CLTB: variants seen among roughly 807,000 people sequenced by gnomAD.
CLTB encodes clathrin light chain B.
In CLTB, 10 loss-of-function variants were observed where a neutral mutation model predicts 30.5. The observed-to-expected ratio is 0.33, with a 90% CI of 0.20 to 0.56. The LOEUF is 0.56. Ranked by LOEUF, CLTB falls within the 20% of genes least tolerant of loss-of-function variation. CLTB has a pLI of 0.91. For missense variants in CLTB, 261 were observed against 308.3 expected (o/e 0.85, Z 1.15); for synonymous variants, 102 against 120.3 (o/e 0.85, Z 1.00).
At chr5:176,404,209 G>C (rs1319133234) in intron 2 of CLTB, among the ~76,000 whole-genome samples, 2 of 152,174 alleles carry the variant, frequency 1.3e-5, no homozygotes, top group African/African-American at 4.8e-5. Context: ...CTTCTGTGAC[G>C]CATAGTTTGT....
At chr5:176,408,181 G>A (rs1036918397) in intron 2 of CLTB, among the ~76,000 whole-genome samples, 13 of 151,970 alleles carry the variant, frequency 8.6e-5, no homozygotes, top group South Asian at 2.1e-4. Context: ...AGGTGGGTGC[G>A]GACAGAAGCA....
chr5:176,409,960 C>A (rs1757343319), intron 2 of CLTB, among the ~76,000 whole-genome samples: 1 of 152,192 alleles, frequency 6.6e-6, no homozygotes, highest in Non-Finnish European at 1.5e-5. Context: ...AGGCCTTGCG[C>A]TGCCTTCATC....
chr5:176,406,874 G>A (rs1396527495), intron 2 of CLTB, among the ~76,000 whole-genome samples: 1 of 152,192 alleles, frequency 6.6e-6, no homozygotes, highest in Non-Finnish European at 1.5e-5. Flanking sequence ...AGGCGCTGTG[G>A]CCAGCCAGTT....
At chr5:176,405,489 C>CAAAAAAAAAAAAAAAAAAAAAAAAAAAAA (rs988554368) in intron 2 of CLTB, 2 of 52,238 alleles carry the variant, frequency 3.8e-5, no homozygotes, top group Middle Eastern at 8.3e-3. Context: ...CCCTGTCTCT[C>CAAAAAAAAAAAAAAAAAAAAAAAAAAAAA]AAAAAAAAAA....
At chr5:176,400,747 G>A (rs376428123) in intron 2 of CLTB, among the ~76,000 whole-genome samples, 1 of 152,106 alleles carries the variant, frequency 6.6e-6, no homozygotes, top group African/African-American at 2.4e-5. Flanking sequence ...GACTGCCCGC[G>A]TTGTTTGACA....
intron 2 of CLTB, among the ~76,000 whole-genome samples, chr5:176,398,996 C>T (rs923083962): frequency 4.0e-5 from 6 of 151,888 alleles, no homozygotes; most frequent in Non-Finnish European, 7.4e-5. Context: ...GCACACGTCA[C>T]GACACCCGGC....
At chr5:176,397,540 C>A (rs1756597015) in intron 4 of CLTB, 67 bp downstream of exon 4, 9 of 493,184 alleles carry the variant, frequency 1.8e-5, no homozygotes, top group Non-Finnish European at 2.9e-5. Context: ...GTCCCCACGG[C>A]CCCCTCATGT....
rs1316773783 is a variant in CLTB, at chr5:176,393,525, A to C, written c.519-580T>G. Reference sequence around the variant, plus strand: ...GAGGATCTTTACAGCAAGACTTTCAAAGCCTTTCATGTGCTGTGTGCGTCG... The same window carrying C: ...GAGGATCTTTACAGCAAGACTTTCACAGCCTTTCATGTGCTGTGTGCGTCG... On this transcript the variant is annotated intron_variant, in intron 5 of 5. Transcript: ENST00000310418. The surrounding 1 kb of genome is among the most constrained non-coding windows in gnomAD (Gnocchi z 4.4). 6.6e-6 allele frequency among the ~76,000 whole-genome samples: 1 copy of C among 152,226 alleles called. No individual in the cohort carries two copies. The highest frequency in any genetic ancestry group is 1.5e-5 in the Non-Finnish European group (1 of 68,036).
chr5:176,411,223 T>TCACAGGCCCCCTTGACTCCAGC (rs1757413142), intron 1 of CLTB, among the ~76,000 whole-genome samples: 1 of 152,224 alleles, frequency 6.6e-6, no homozygotes, highest in African/African-American at 2.4e-5. Flanking sequence ...TTTTGCCCAT[T>TCACAGGCCCCCTTGACTCCAGC]CACAGGCCCC....
At position 176,395,790 on chromosome 5, in the gene CLTB, G is replaced by A. The variant is rs1012650518; in HGVS notation, c.518+689C>T. Among the ~76,000 whole-genome samples the A allele has an allele frequency of 1.3e-4, 20 of 152,298 alleles. No individual in the cohort carries two copies. The East Asian group carries it at 3.7e-3, about 28-fold the overall frequency. On this transcript the variant is annotated intron_variant, in intron 5 of 5. Coordinates refer to ENST00000310418, the MANE Select transcript of CLTB (RefSeq NM_007097.5). Reference sequence around the variant, plus strand: ...TGGATGTCACAAAGGAGCAGCTCTTGTCCTTTACATGCCTCCAGCATCCCA... The same window carrying A: ...TGGATGTCACAAAGGAGCAGCTCTTATCCTTTACATGCCTCCAGCATCCCA...
chr5:176,398,434 G>T (rs762111738), intron 2 of CLTB, among the ~76,000 whole-genome samples: 5 of 152,094 alleles, frequency 3.3e-5, no homozygotes, highest in African/African-American at 1.2e-4. Flanking sequence ...AAAGAATGTC[G>T]GGCGCAGTGG....
At chr5:176,400,456 AG>A (rs1756762806) in intron 2 of CLTB, among the ~76,000 whole-genome samples, 1 of 152,180 alleles carries the variant, frequency 6.6e-6, no homozygotes, top group South Asian at 2.1e-4. Flanking sequence ...CCTGACTCCC[AG>A]GCAGGGGCTC....
At chr5:176,392,488 AGT>A (rs1756295711), downstream of CLTB, 1 of 368,580 alleles carries the variant, frequency 2.7e-6, no homozygotes, top group Non-Finnish European at 4.9e-6. This position sits in a 1 kb window ranked among gnomAD's most constrained non-coding sequence, Gnocchi z 5.2. Flanking sequence ...ATAATAAATA[AGT>A]GTAAAAAGAG....
chr5:176,409,944 G>A (rs1757341966), intron 2 of CLTB, among the ~76,000 whole-genome samples: 1 of 152,214 alleles, frequency 6.6e-6, no homozygotes, highest in East Asian at 1.9e-4. Flanking sequence ...CGTCAGTGGT[G>A]AGGGAAGGCC....
chr5:176,407,355 G>A (rs377008402), intron 2 of CLTB, among the ~76,000 whole-genome samples: 1 of 152,186 alleles, frequency 6.6e-6, no homozygotes, highest in African/African-American at 2.4e-5. Context: ...GTCCAGGCTG[G>A]AGTGCAGTGT....
chr5:176,398,851 C>CT (rs972211826), intron 2 of CLTB, among the ~76,000 whole-genome samples: 4 of 151,024 alleles, frequency 2.6e-5, no homozygotes, highest in Non-Finnish European at 5.9e-5. Context: ...CAAGACCTCA[C>CT]TTTTTTTTTG....
At chr5:176,406,635 T>A (rs1370354358) in intron 2 of CLTB, 1 of 1,289,330 alleles carries the variant, frequency 7.8e-7, no homozygotes, top group Non-Finnish European at 1.0e-6. Flanking sequence ...GGAACTGGAA[T>A]AGTTGTGGGC....
rs1756349325 is a variant in CLTB at position 176,393,475 on chromosome 5, A to G, written c.519-530T>C. On this transcript the variant is annotated intron_variant, in intron 5 of 5. Coordinates refer to ENST00000310418, the MANE Select transcript of CLTB (RefSeq NM_007097.5). The surrounding 1 kb of genome is among the most constrained non-coding windows in gnomAD (Gnocchi z 4.4). ...GGATTCTCCAGAAAGACTGTGGTCA[A>G]ATACCTATGGAAAACCCAGCTAAAG... Among the ~76,000 whole-genome samples the G allele has an allele frequency of 6.6e-6, 1 of 152,238 alleles. No homozygotes were observed. The highest frequency in any genetic ancestry group is 2.4e-5 in the African/African-American group (1 of 41,462).
Position 176,416,460 on chromosome 5 carries a change from CG to C in CLTB, c.-98del, listed in dbSNP as rs33956988. 1 allele frequency: 1,032,347 copies of C among 1,032,352 alleles called. 516,171 individuals are homozygous for C. Among genetic ancestry groups the C allele is most frequent in the Middle Eastern group, 1 (3,018 of 3,018 alleles). The allele number at this position is 1,032,352 out of a possible 1,614,324, so 63.9% of individuals were successfully genotyped here. On this transcript the variant is annotated 5_prime_UTR_variant, in exon 1 of 6. Transcript: ENST00000310418. ...GGCCGCGACGCTGTCACCCGAGCCGCGGGGGAGCCGGCGTCGGCGGGGACGG... is the reference window on the plus strand; with the variant it reads ...GGCCGCGACGCTGTCACCCGAGCCGCGGGGAGCCGGCGTCGGCGGGGACGG...
Sources: allele counts gnomAD v4.1 joint callset (sites outside exome capture counted in the v4.1 genomes callset), GRCh38; gene constraint gnomAD v4.1.1; non-coding constraint Gnocchi (gnomAD v3.1); transcripts MANE v1.5; gene names NCBI Gene and HGNC (gene_info 2026-07-23, HGNC 2026-07-21).